Variants in GMDS observed in about 807,000 individuals in gnomAD.
GMDS encodes the protein GDP-mannose 4,6-dehydratase.
Under a neutral mutation model 49.9 loss-of-function variants are expected in GMDS, and 20 were observed. The ratio of observed to expected loss-of-function variants is 0.40; its 90% CI spans 0.28 to 0.58. The LOEUF is 0.58. GMDS is among the 20% of genes least tolerant of loss of function. GMDS has a pLI of 0.42. For synonymous variants in GMDS, 177 were observed against 178.6 expected, an observed-to-expected ratio of 0.99 and a Z score of 0.07; for missense variants, 362 against 481.4, an observed-to-expected ratio of 0.75 and a Z score of 2.32.
chr6:1,982,683 C>A (rs1765290061), intron 4 of GMDS, among the ~76,000 whole-genome samples: 2 of 151,946 alleles, frequency 1.3e-5, no homozygotes, highest in South Asian at 4.1e-4. Flanking sequence ...AGTAAAGGAC[C>A]CCTTCAAGGA....
chr6:1,888,385 A>C (rs182120557), intron 7 of GMDS, among the ~76,000 whole-genome samples: 23 of 152,250 alleles, frequency 1.5e-4, no homozygotes, highest in Non-Finnish European at 3.1e-4. Context: ...AGGCGGCAGG[A>C]AGGACAATGC....
At chr6:1,773,248 A>G (rs1177719914) in intron 7 of GMDS, among the ~76,000 whole-genome samples, 1 of 149,470 alleles carries the variant, frequency 6.7e-6, no homozygotes, top group Non-Finnish European at 1.5e-5. Flanking sequence ...AGCAATATCT[A>G]TATTATTTGG....
chr6:2,233,361 G>A (rs916085055), intron 1 of GMDS, among the ~76,000 whole-genome samples: 5 of 152,158 alleles, frequency 3.3e-5, no homozygotes, highest in Non-Finnish European at 7.3e-5. Context: ...CCCTAAGGAA[G>A]AGAGCTCTAC....
At chr6:2,059,372 A>G (rs1250462029) in intron 4 of GMDS, among the ~76,000 whole-genome samples, 1 of 151,930 alleles carries the variant, frequency 6.6e-6, no homozygotes, top group Non-Finnish European at 1.5e-5. Flanking sequence ...CATCCGCTTA[A>G]GTGATGTTTT....
At chr6:2,113,155 T>C (rs995704333) in intron 4 of GMDS, among the ~76,000 whole-genome samples, 1 of 152,156 alleles carries the variant, frequency 6.6e-6, no homozygotes, top group African/African-American at 2.4e-5. Flanking sequence ...CCTCCTTGAA[T>C]GTCGGTTTCT....
At chr6:2,000,330 C>A (rs192836545) in intron 4 of GMDS, among the ~76,000 whole-genome samples, 1 of 151,242 alleles carries the variant, frequency 6.6e-6, no homozygotes, top group African/African-American at 2.4e-5. Flanking sequence ...CCACCACTCC[C>A]GGACAGTATT....
chr6:2,054,750 A>AG (rs1372714398), intron 4 of GMDS, among the ~76,000 whole-genome samples: 2 of 151,464 alleles, frequency 1.3e-5, no homozygotes, highest in Admixed American at 6.6e-5. Context: ...TTTTTTACCC[A>AG]GGGGGGGAAA....
chr6:2,145,702 C>T (rs1445929234), intron 1 of GMDS, among the ~76,000 whole-genome samples: 1 of 152,030 alleles, frequency 6.6e-6, no homozygotes, highest in Non-Finnish European at 1.5e-5. Context: ...AGTATAACAA[C>T]TATTTATACA....
At position 1,719,350 on chromosome 6, in the gene GMDS, C is replaced by T. The variant is rs114430638; in HGVS notation, c.987+7066G>A. Among the ~76,000 whole-genome samples the T allele has an allele frequency of 4.0e-3, 606 of 152,222 alleles. 1 individual carries two copies. The highest frequency in any genetic ancestry group is 0.012 in the African/African-American group (493 of 41,542). ...GGCATGCAGGGTGAGAAAGGTGGCG[C>T]AGAGCCCACGGTAGATGGGCATGAC... On this transcript the variant is annotated intron_variant, in intron 9 of 10. Transcript: ENST00000380815.
At chr6:2,183,470 A>C (rs1778645800) in intron 1 of GMDS, among the ~76,000 whole-genome samples, 1 of 152,232 alleles carries the variant, frequency 6.6e-6, no homozygotes, top group Admixed American at 6.5e-5. Flanking sequence ...TGAATGGCTG[A>C]GGAGTTGCTT....
In GMDS at chr6:1,833,246, A is replaced by AAT. The variant is rs1253942141; in HGVS notation, c.772-90662_772-90661dup. Among the ~76,000 whole-genome samples, 2 of 151,420 alleles carry AAT rather than the reference A, an allele frequency of 1.3e-5. No individual in the cohort carries two copies. Among genetic ancestry groups the AAT allele is most frequent in the East Asian group, 3.9e-4 (2 of 5,146 alleles). On this transcript the variant is annotated intron_variant, in intron 7 of 10. Transcript: ENST00000380815. This position sits in a 1 kb window ranked among gnomAD's most constrained non-coding sequence, Gnocchi z 4.4. ...CAAATGTCGTCTCCCGCTGGGCTTC[A>AAT]ATGCCAAAACTACACGTGTCAGTGA...
At chr6:1,999,942 A>ATATTATT (rs1172894275) in intron 4 of GMDS, among the ~76,000 whole-genome samples, 26 of 52,404 alleles carry the variant, frequency 5.0e-4, no homozygotes, top group African/African-American at 1.5e-3. Context: ...TATTATATAT[A>ATATTATT]ATATATAATA....
intron 8 of GMDS, among the ~76,000 whole-genome samples, chr6:1,735,003 C>G (rs542419068): frequency 6.6e-6 from 1 of 152,220 alleles, no homozygotes; most frequent in Non-Finnish European, 1.5e-5. Flanking sequence ...TCATTAAATG[C>G]GCTCCAGCTG....
chr6:2,080,435 C>T (rs1772617463), intron 4 of GMDS, among the ~76,000 whole-genome samples: 1 of 152,138 alleles, frequency 6.6e-6, no homozygotes, highest in Non-Finnish European at 1.5e-5. Flanking sequence ...TGGTGTCAGT[C>T]ACTGCCTTCA....
At chr6:2,210,708 T>C (rs1354991939) in intron 1 of GMDS, among the ~76,000 whole-genome samples, 1 of 152,122 alleles carries the variant, frequency 6.6e-6, no homozygotes, top group Non-Finnish European at 1.5e-5. Context: ...TGAACCCGCA[T>C]CTCTGGGCAC....
intron 9 of GMDS, among the ~76,000 whole-genome samples, chr6:1,694,074 G>A (rs943543570): frequency 1.3e-5 from 2 of 152,060 alleles, no homozygotes; most frequent in African/African-American, 2.4e-5. Context: ...GAAGATCCTG[G>A]GCCCCCAAAG....
At chr6:1,757,897 G>A (rs1201928596) in intron 7 of GMDS, among the ~76,000 whole-genome samples, 1 of 152,154 alleles carries the variant, frequency 6.6e-6, no homozygotes, top group East Asian at 1.9e-4. Flanking sequence ...TCATTTAATC[G>A]AATATATCCA....
At position 1,833,935 on chromosome 6, in the gene GMDS, A is replaced by G. The variant is rs1017407915; in HGVS notation, c.772-91349T>C. ...AATGCATATATCGCATCAAATCCAT[A>G]GAACAACTCTAATATTCTTACTCAC... On this transcript the variant is annotated intron_variant, in intron 7 of 10. Coordinates refer to ENST00000380815, the MANE Select transcript of GMDS (RefSeq NM_001500.4). This position sits in a 1 kb window ranked among gnomAD's most constrained non-coding sequence, Gnocchi z 4.4. 6.6e-6 allele frequency among the ~76,000 whole-genome samples: 1 copy of G among 152,230 alleles called. No individual in the cohort carries two copies. Among genetic ancestry groups the G allele is most frequent in the Non-Finnish European group, 1.5e-5 (1 of 68,046 alleles).
chr6:2,172,581 T>C (rs932872778), intron 1 of GMDS, among the ~76,000 whole-genome samples: 1 of 151,988 alleles, frequency 6.6e-6, no homozygotes, highest in Non-Finnish European at 1.5e-5. Context: ...TAATCCCAGC[T>C]ACTCGGGAGA....
Sources: gnomAD v4.1 joint callset for allele counts (sites outside exome capture counted in the v4.1 genomes callset) on GRCh38, gnomAD v4.1.1 for gene constraint, Gnocchi (gnomAD v3.1) non-coding constraint, MANE v1.5 for transcripts, NCBI Gene and HGNC (gene_info 2026-07-23, HGNC 2026-07-21) for gene names.